Variants in GALM observed in about 807,000 individuals in gnomAD.
GALM encodes the protein aldose 1-epimerase.
Under a neutral mutation model 37.4 loss-of-function variants are expected in GALM, and 43 were observed. The observed-to-expected ratio is 1.15, with a 90% confidence interval of 0.90 to 1.48. The LOEUF (loss-of-function observed/expected upper bound fraction) is 1.48. Among genes scored for constraint, GALM ranks in the 40% most tolerant of loss-of-function variants. GALM has a pLI of 0.00. For synonymous variants in GALM, 199 were observed against 170.6 expected (o/e 1.17, Z -1.30); for missense variants, 456 against 419.1 (o/e 1.09, Z -0.77).
At chr2:38,670,898 T>G (rs1271265575) in intron 1 of GALM, among the ~76,000 whole-genome samples, 1 of 152,204 alleles carries the variant, frequency 6.6e-6, no homozygotes, top group Non-Finnish European at 1.5e-5. Flanking sequence ...AGTCATTCTG[T>G]GAATGGGGGT....
chr2:38,670,787 T>G (rs1291370177), intron 1 of GALM, among the ~76,000 whole-genome samples: 1 of 152,214 alleles, frequency 6.6e-6, no homozygotes, highest in African/African-American at 2.4e-5. Flanking sequence ...GGCATGGAGA[T>G]TCAACTAGGA....
At chr2:38,718,860 A>T (rs752409301) in intron 4 of GALM, among the ~76,000 whole-genome samples, 4 of 151,874 alleles carry the variant, frequency 2.6e-5, no homozygotes, top group Non-Finnish European at 5.9e-5. Context: ...GGAAAAAATG[A>T]CTTCAGATCA....
chr2:38,689,382 G>A (rs886742025), intron 3 of GALM, among the ~76,000 whole-genome samples: 3 of 152,168 alleles, frequency 2.0e-5, no homozygotes, highest in Admixed American at 2.0e-4. Context: ...TGGGCTAGAG[G>A]GGGGTGCCAG....
chr2:38,677,112 G>A (rs1482249081), intron 2 of GALM, among the ~76,000 whole-genome samples: 1 of 152,224 alleles, frequency 6.6e-6, no homozygotes, highest in Non-Finnish European at 1.5e-5. Context: ...TCCCTGGGGT[G>A]GGAGTGCTTG....
intron 4 of GALM, among the ~76,000 whole-genome samples, chr2:38,701,156 A>T (rs1665908453): frequency 6.6e-6 from 1 of 152,240 alleles, no homozygotes; most frequent in African/African-American, 2.4e-5. Context: ...AGAAAATCAA[A>T]TCCTTCTATT....
chr2:38,716,520 A>C (rs1272643447), intron 4 of GALM, among the ~76,000 whole-genome samples: 12 of 152,248 alleles, frequency 7.9e-5, no homozygotes, highest in Admixed American at 7.9e-4. Context: ...CCAGGGATGC[A>C]TGGCGGGGCT....
At chr2:38,686,472 A>G (rs753712686) in intron 3 of GALM, among the ~76,000 whole-genome samples, 2 of 151,858 alleles carry the variant, frequency 1.3e-5, no homozygotes, top group Non-Finnish European at 2.9e-5. Context: ...TCACCGTGTT[A>G]GCCAGGATGG....
chr2:38,700,553 G>C (rs578028752), intron 4 of GALM, among the ~76,000 whole-genome samples: 2 of 151,858 alleles, frequency 1.3e-5, no homozygotes, highest in African/African-American at 4.8e-5. Context: ...CAGCTACCCT[G>C]CTTGCTTTTG....
intron 3 of GALM, among the ~76,000 whole-genome samples, chr2:38,685,571 G>A (rs1256642590): frequency 2.6e-5 from 4 of 152,132 alleles, no homozygotes; most frequent in East Asian, 1.9e-4. Flanking sequence ...GGGCCTCAAG[G>A]TCTGTTTGTG....
At chr2:38,720,550 A>C (rs1460069196) in intron 4 of GALM, among the ~76,000 whole-genome samples, 1 of 152,172 alleles carries the variant, frequency 6.6e-6, no homozygotes, top group African/African-American at 2.4e-5. Context: ...CTAGCAGTAT[A>C]CTAGCAATCT....
At chr2:38,676,158 G>C in intron 2 of GALM, 92 bp downstream of exon 2, 1 of 1,295,122 alleles carries the variant, frequency 7.7e-7, no homozygotes, top group Non-Finnish European at 1.1e-6. Context: ...TAGAGCACAT[G>C]AGTGGTGAGA....
intron 4 of GALM, among the ~76,000 whole-genome samples, chr2:38,708,746 A>AAG (rs1666094233): frequency 1.3e-5 from 2 of 151,970 alleles, no homozygotes; most frequent in Admixed American, 1.3e-4. Context: ...AAAAAAAAAA[A>AAG]AAAGAAAGTG....
Position 38,676,022 on chromosome 2 carries a change from A to G in GALM, c.301A>G (p.Lys101Glu). ...DGKEYHLAIN[K>E]EPNSLHGGVR... is the part of the protein sequence containing the mutation. ...GAAGGAGTATCACCTGGCCATTAAC[A>G]AGGAACCCAACAGTCTGCATGGAGG... is the stretch of plus-strand genomic sequence containing the variant. The change falls in exon 2 of 7, where the codon AAG (lysine) becomes GAG (glutamate). Residue 101 changes from lysine to glutamate, a missense_variant. Transcript: ENST00000272252. The G allele has an allele frequency of 6.2e-7, 1 of 1,614,136 alleles. No homozygotes were observed. Among genetic ancestry groups the G allele is most frequent in the Non-Finnish European group, 8.5e-7 (1 of 1,180,018 alleles).
chr2:38,675,551 G>T (rs1201177159), intron 1 of GALM, among the ~76,000 whole-genome samples: 7 of 79,938 alleles, frequency 8.8e-5, no homozygotes, highest in African/African-American at 1.4e-4. Context: ...TTTTGTGTGT[G>T]TGTGTGTGTG....
chr2:38,692,849 G>C (rs1367944852), intron 4 of GALM, among the ~76,000 whole-genome samples: 5 of 152,188 alleles, frequency 3.3e-5, no homozygotes. Flanking sequence ...GAGGAGAAAG[G>C]TGTTCCAGAT....
chr2:38,681,611 G>C, intron 3 of GALM, 125 bp downstream of exon 3: 1 of 750,536 alleles, frequency 1.3e-6, no homozygotes. Context: ...GATGAAAAGG[G>C]CCCAGCAGAG....
At chr2:38,686,277 T>TTTCTTTCTTTCTTTCTTTCTCTCTTTCTC (rs1558582155) in intron 3 of GALM, among the ~76,000 whole-genome samples, 9 of 112,452 alleles carry the variant, frequency 8.0e-5, no homozygotes, top group Admixed American at 9.4e-5. Flanking sequence ...TCTTTCTTTC[T>TTTCTTTCTTTCTTTCTTTCTCTCTTTCTC]TATTTTGAGA....
At chr2:38,676,281 A>C (rs1020382873) in intron 2 of GALM, among the ~76,000 whole-genome samples, 1 of 152,172 alleles carries the variant, frequency 6.6e-6, no homozygotes, top group Non-Finnish European at 1.5e-5. Flanking sequence ...CCCAAGAGAA[A>C]GGATGTCAAC....
chr2:38,729,083 G>C (rs1375866356), intron 4 of GALM, among the ~76,000 whole-genome samples: 1 of 152,216 alleles, frequency 6.6e-6, no homozygotes, highest in African/African-American at 2.4e-5. Flanking sequence ...TAAATCATTA[G>C]ATACTCTAGT....
Sources: allele counts gnomAD v4.1 joint callset (sites outside exome capture counted in the v4.1 genomes callset), GRCh38; gene constraint gnomAD v4.1.1; transcripts MANE v1.5; gene names NCBI Gene and HGNC (gene_info 2026-07-23, HGNC 2026-07-21).